Variants in LRRC51 observed in about 807,000 individuals in gnomAD.
LRRC51 encodes the protein leucine-rich repeat-containing protein 51.
In LRRC51, 8 loss-of-function variants were observed where a neutral mutation model predicts 17.8. The ratio of observed to expected loss-of-function variants is 0.45; its 90% CI spans 0.26 to 0.81. LRRC51 has a LOEUF of 0.81. Ranked by LOEUF, LRRC51 falls within the 30% of genes least tolerant of loss-of-function variation. The pLI, the probability that LRRC51 is intolerant of heterozygous loss-of-function variation, is 0.17. For missense variants in LRRC51, 233 were observed against 239.3 expected, an observed-to-expected ratio of 0.97 and a Z score of 0.17; for synonymous variants, 92 against 96.0, an observed-to-expected ratio of 0.96 and a Z score of 0.24.
intron 4 of LRRC51, chr11:72,094,599 A>G (rs1231337589): frequency 1.2e-5 from 8 of 660,342 alleles, no homozygotes; most frequent in African/African-American, 1.8e-5. Flanking sequence ...TGTGCCTAGC[A>G]TGATGCTCTG....
chr11:72,084,423 A>G (rs1944410248), intron 1 of LRRC51, among the ~76,000 whole-genome samples: 1 of 152,250 alleles, frequency 6.6e-6, no homozygotes, highest in Non-Finnish European at 1.5e-5. Flanking sequence ...AATTAAGTGA[A>G]TAACATTAAA....
chr11:72,093,625 C>T lies in LRRC51; in HGVS notation c.212C>T (p.Ala71Val). 2 of 1,614,216 alleles carry T rather than the reference C, an allele frequency of 1.2e-6. No individual in the cohort carries two copies. Among genetic ancestry groups the T allele is most frequent in the Non-Finnish European group, 1.7e-6 (2 of 1,180,044 alleles). ...GATCTGAGAGACTTCAACCAGGTGG[C>T]TTCACAGCTGTTGGAGCACCCAGAG... ...LNDLRDFNQVASQLLEHPENL... is the reference protein window; with the variant it reads ...LNDLRDFNQVVSQLLEHPENL... The change falls in exon 4 of 6, where the codon GCT (alanine) becomes GTT (valine). Residue 71 changes from alanine (A) to valine (V), a missense_variant. By Grantham distance (64) the Ala-to-Val change is moderately conservative. Coordinates refer to ENST00000289488, the MANE Select transcript of LRRC51 (RefSeq NM_145309.6).
Position 72,093,477 on chromosome 11 carries a change from T to C in LRRC51, c.83-19T>C. On this transcript the variant is annotated intron_variant, in intron 3 of 5. Transcript: ENST00000289488. ...CAAAAAAGCAAAGATGATACCCAAG[T>C]CTCACTTTGTCCCCACAGATCTGGT... 1 of 1,602,328 alleles carries C rather than the reference T, an allele frequency of 6.2e-7. No individual in the cohort carries two copies. Among genetic ancestry groups the C allele is most frequent in the Non-Finnish European group, 8.5e-7 (1 of 1,174,110 alleles).
intron 1 of LRRC51, among the ~76,000 whole-genome samples, chr11:72,084,044 T>C (rs1038376899): frequency 6.6e-6 from 1 of 152,224 alleles, no homozygotes; most frequent in Non-Finnish European, 1.5e-5. Flanking sequence ...TTGCCCAGAC[T>C]GGAGTGCAGT....
intron 5 of LRRC51, 97 bp downstream of exon 5, chr11:72,095,193 T>A: frequency 6.4e-7 from 1 of 1,567,886 alleles, no homozygotes; most frequent in Non-Finnish European, 8.6e-7. Flanking sequence ...TCTGCCATGC[T>A]TGGACCTGGG....
intron 1 of LRRC51, among the ~76,000 whole-genome samples, chr11:72,087,216 G>T (rs1328074993): frequency 6.6e-6 from 1 of 151,474 alleles, no homozygotes; most frequent in Non-Finnish European, 1.5e-5. Context: ...GCCAAAAAAG[G>T]AATTTACATG....
intron 2 of LRRC51, chr11:72,088,718 C>A (rs1031303795): frequency 2.1e-5 from 11 of 517,700 alleles, no homozygotes; most frequent in African/African-American, 1.7e-4. Context: ...CTGCAGTCTA[C>A]AACTGACTCA....
At chr11:72,093,290 G>C (rs1318812958) in intron 3 of LRRC51, among the ~76,000 whole-genome samples, 1 of 152,230 alleles carries the variant, frequency 6.6e-6, no homozygotes, top group African/African-American at 2.4e-5. Flanking sequence ...CCAAGAGCTT[G>C]AGATAGAAGT....
At position 72,095,521 on chromosome 11, in the gene LRRC51, G is replaced by A. The variant is rs775233317; in HGVS notation, c.*1G>A. 3 of 1,613,368 alleles carry A rather than the reference G, an allele frequency of 1.9e-6. No individual in the cohort carries two copies. ...CTGGACCAAGCAGAATACACTTTGA[G>A]GCTCCCACGACCCTAGTAGTCCTAA... On this transcript the variant is annotated 3_prime_UTR_variant, in exon 6 of 6. Coordinates refer to ENST00000289488, the MANE Select transcript of LRRC51 (RefSeq NM_145309.6).
At chr11:72,088,878 A>C (rs893462565) in intron 2 of LRRC51, 151 bp from the exon 3 acceptor site, 1 of 858,870 alleles carries the variant, frequency 1.2e-6, no homozygotes, top group Non-Finnish European at 1.8e-6. Context: ...CTATACATGC[A>C]AGGATGCAAG....
chr11:72,088,273 C>T (rs982024145), intron 1 of LRRC51, 24 bp from the exon 2 acceptor site: 1 of 676,978 alleles, frequency 1.5e-6, no homozygotes, highest in Admixed American at 2.1e-5. Flanking sequence ...TGACTGATAA[C>T]AACATTGTGT....
intron 1 of LRRC51, among the ~76,000 whole-genome samples, chr11:72,084,820 G>A (rs549051607): frequency 6.0e-4 from 79 of 130,746 alleles, no homozygotes; most frequent in Non-Finnish European, 9.4e-4. Flanking sequence ...CTGCACAACA[G>A]AGCGAGACCT....
At chr11:72,083,291 C>T (rs1944347018) in intron 1 of LRRC51, among the ~76,000 whole-genome samples, 1 of 152,206 alleles carries the variant, frequency 6.6e-6, no homozygotes, top group Non-Finnish European at 1.5e-5. Context: ...TTCAAAATTT[C>T]CAAGTACCCT....
chr11:72,089,320 G>A, intron 3 of LRRC51, 155 bp downstream of exon 3: 2 of 1,504,996 alleles, frequency 1.3e-6, no homozygotes, highest in Non-Finnish European at 1.8e-6. Flanking sequence ...GGGAGAGTGA[G>A]AGGTTTTTTT....
intron 1 of LRRC51, 60 bp downstream of exon 1, chr11:72,080,945 G>A (rs947580849): frequency 5.2e-5 from 8 of 152,508 alleles, no homozygotes; most frequent in Admixed American, 5.2e-4. Context: ...ATGGAGAAGG[G>A]AGGGGCACTC....
At position 72,091,648 on chromosome 11, in the gene LRRC51, G is replaced by C. The variant is rs1944867648; in HGVS notation, c.83-1848G>C. Among the ~76,000 whole-genome samples the C allele has an allele frequency of 2.0e-5, 3 of 152,304 alleles. No individual in the cohort carries two copies. The South Asian group carries it at 6.2e-4, about 32-fold the overall frequency. On this transcript the variant is annotated intron_variant, in intron 3 of 5. Coordinates refer to ENST00000289488, the MANE Select transcript of LRRC51 (RefSeq NM_145309.6). ...TTGAAAAAGTGGGAGTGAGGCTTTG[G>C]GGTGTTCCATACACCGGGGTTCTAA...
chr11:72,094,437 CT>C (rs1318917720), intron 4 of LRRC51: 1 of 529,096 alleles, frequency 1.9e-6, no homozygotes, highest in Non-Finnish European at 3.4e-6. Context: ...ACAGCACTTA[CT>C]TTCTGTGAAC....
chr11:72,081,634 C>T (rs1029519293), intron 1 of LRRC51, among the ~76,000 whole-genome samples: 3 of 152,122 alleles, frequency 2.0e-5, no homozygotes, highest in African/African-American at 7.2e-5. Flanking sequence ...AAATCGCAGT[C>T]GCTACCCTAA....
intron 4 of LRRC51, among the ~76,000 whole-genome samples, chr11:72,094,279 C>T (rs1224021750): frequency 2.0e-5 from 3 of 146,454 alleles, no homozygotes; most frequent in Non-Finnish European, 3.0e-5. Flanking sequence ...AGTGAGACTC[C>T]GTCTCAAAAA....
Sources: gnomAD v4.1 joint callset for allele counts (sites outside exome capture counted in the v4.1 genomes callset) on GRCh38, gnomAD v4.1.1 for gene constraint, MANE v1.5 for transcripts, NCBI Gene and HGNC (gene_info 2026-07-23, HGNC 2026-07-21) for gene names.